The following ZMAT4 variants were observed in gnomAD, a reference collection of about 807,000 sequenced individuals.
The protein encoded by ZMAT4 is zinc finger matrin-type 4.
Under a neutral mutation model 28.7 loss-of-function variants are expected in ZMAT4, and 17 were observed. That is an observed-to-expected ratio of 0.59 (90% CI 0.41 to 0.89). ZMAT4 has a LOEUF of 0.89. Among genes scored for constraint, ZMAT4 ranks in the 40% least tolerant of loss-of-function variants. ZMAT4 has a pLI of 0.00. For missense variants in ZMAT4, 240 were observed against 283.8 expected, an observed-to-expected ratio of 0.85 and a Z score of 1.11; for synonymous variants, 117 against 109.2, an observed-to-expected ratio of 1.07 and a Z score of -0.44.
intron 3 of ZMAT4, among the ~76,000 whole-genome samples, chr8:40,754,800 G>A (rs889526622): frequency 6.6e-6 from 1 of 152,122 alleles, no homozygotes; most frequent in Non-Finnish European, 1.5e-5. Flanking sequence ...ATCGTTTGAG[G>A]CCAGAGGTTC....
chr8:40,825,223 C>A (rs1418141976), intron 2 of ZMAT4, among the ~76,000 whole-genome samples: 1 of 152,098 alleles, frequency 6.6e-6, no homozygotes, highest in East Asian at 1.9e-4. Flanking sequence ...TAGGTGGAGA[C>A]AGGAGCTGGC....
chr8:40,743,701 C>T (rs1041498192), intron 3 of ZMAT4, among the ~76,000 whole-genome samples: 7 of 152,262 alleles, frequency 4.6e-5, no homozygotes, highest in Non-Finnish European at 8.8e-5. Context: ...ATTGGGATAG[C>T]GGCATGGGCA....
chr8:40,570,881 C>A (rs1452044317), intron 6 of ZMAT4, among the ~76,000 whole-genome samples: 1 of 152,146 alleles, frequency 6.6e-6, no homozygotes, highest in Non-Finnish European at 1.5e-5. Context: ...CAGTTCTTTT[C>A]TTTCTTGATG....
chr8:40,708,571 T>TTCTCTC (rs36210172), intron 3 of ZMAT4, among the ~76,000 whole-genome samples: 4,404 of 120,910 alleles, frequency 0.036, 164 homozygotes, highest in Non-Finnish European at 0.049. Context: ...TACACACTCT[T>TTCTCTC]TCTCTCTCTC....
intron 1 of ZMAT4, among the ~76,000 whole-genome samples, chr8:40,864,520 G>A (rs1462560954): frequency 6.6e-6 from 1 of 152,164 alleles, no homozygotes; most frequent in Non-Finnish European, 1.5e-5. Flanking sequence ...CAATGTGGTA[G>A]CAGGGACAAA....
intron 5 of ZMAT4, among the ~76,000 whole-genome samples, chr8:40,656,001 T>C (rs1415327108): frequency 1.3e-5 from 2 of 152,110 alleles, no homozygotes; most frequent in African/African-American, 2.4e-5. Context: ...ATGCTATGGT[T>C]AAATTGAAAG....
At chr8:40,605,451 A>G (rs1170635435) in intron 5 of ZMAT4, among the ~76,000 whole-genome samples, 1 of 152,212 alleles carries the variant, frequency 6.6e-6, no homozygotes, top group Non-Finnish European at 1.5e-5. Context: ...ATGATCATTC[A>G]GGAGCAGGCT....
At chr8:40,744,831 G>T (rs1357310244) in intron 3 of ZMAT4, among the ~76,000 whole-genome samples, 1 of 152,158 alleles carries the variant, frequency 6.6e-6, no homozygotes, top group Non-Finnish European at 1.5e-5. Context: ...AGTAAGGCAG[G>T]CAAGCTCTAG....
At chr8:40,640,120 G>C (rs1806955075) in intron 5 of ZMAT4, among the ~76,000 whole-genome samples, 1 of 152,112 alleles carries the variant, frequency 6.6e-6, no homozygotes, top group South Asian at 2.1e-4. Flanking sequence ...TGGACTACAG[G>C]TGTGCATCAC....
chr8:40,733,281 A>G (rs1394610508), intron 3 of ZMAT4, among the ~76,000 whole-genome samples: 1 of 152,108 alleles, frequency 6.6e-6, no homozygotes, highest in African/African-American at 2.4e-5. Flanking sequence ...GTCTTTCATT[A>G]AGTTTGTCAT....
At chr8:40,545,505 T>C (rs1007240120) in intron 6 of ZMAT4, among the ~76,000 whole-genome samples, 1 of 152,152 alleles carries the variant, frequency 6.6e-6, no homozygotes, top group Non-Finnish European at 1.5e-5. Context: ...ATTGTAGATA[T>C]AATTAGTTAA....
At chr8:40,631,885 T>A (rs1449884543) in intron 5 of ZMAT4, among the ~76,000 whole-genome samples, 6 of 152,128 alleles carry the variant, frequency 3.9e-5, no homozygotes, top group African/African-American at 1.4e-4. Flanking sequence ...CATTTTTCAG[T>A]TCAAGATGAA....
intron 1 of ZMAT4, among the ~76,000 whole-genome samples, chr8:40,865,506 G>A (rs181205276): frequency 6.6e-6 from 1 of 152,300 alleles, no homozygotes; most frequent in Non-Finnish European, 1.5e-5. Flanking sequence ...GTGAGCCCAG[G>A]CCTCTCTGCT....
At chr8:40,786,709 AC>A (rs1329308506) in intron 2 of ZMAT4, 1 of 1,289,158 alleles carries the variant, frequency 7.8e-7, no homozygotes, top group East Asian at 5.6e-5. Context: ...TCACACAGCC[AC>A]CTTCTTCAGT....
At chr8:40,895,438 T>C (rs1260548075) in intron 1 of ZMAT4, among the ~76,000 whole-genome samples, 1 of 152,200 alleles carries the variant, frequency 6.6e-6, no homozygotes, top group East Asian at 1.9e-4. Context: ...GAAGCTGTAA[T>C]GAGGGTGTTT....
intron 4 of ZMAT4, among the ~76,000 whole-genome samples, chr8:40,687,247 G>A (rs888114348): frequency 6.6e-6 from 1 of 152,188 alleles, no homozygotes; most frequent in Non-Finnish European, 1.5e-5. Context: ...CATAGAAGGT[G>A]ACAGAATTTG....
At chr8:40,616,920 A>T (rs1419731660) in intron 5 of ZMAT4, among the ~76,000 whole-genome samples, 1 of 151,902 alleles carries the variant, frequency 6.6e-6, no homozygotes. Flanking sequence ...GCAGAACTAC[A>T]GTAATTTTAC....
chr8:40,891,225 GA>G (rs1158897620), intron 1 of ZMAT4, among the ~76,000 whole-genome samples: 24 of 93,098 alleles, frequency 2.6e-4, no homozygotes, highest in East Asian at 6.8e-4. Flanking sequence ...GAGGAGAGGA[GA>G]AGACTTGAGA....
chr8:40,688,541 C>T (rs1030037053), intron 4 of ZMAT4, among the ~76,000 whole-genome samples: 2 of 152,168 alleles, frequency 1.3e-5, no homozygotes, highest in South Asian at 2.1e-4. Context: ...TTCATGGTAC[C>T]TCAAGATGGC....
Sources: allele counts gnomAD v4.1 joint callset (sites outside exome capture counted in the v4.1 genomes callset), GRCh38; gene constraint gnomAD v4.1.1; transcripts MANE v1.5; gene names NCBI Gene and HGNC (gene_info 2026-07-23, HGNC 2026-07-21).